DNAH5: variants seen among roughly 807,000 people sequenced by gnomAD.
The protein encoded by DNAH5 is dynein axonemal heavy chain 5, also known as axonemal beta dynein heavy chain 5.
A neutral mutation model predicts 518.2 loss-of-function variants in DNAH5; 372 were observed. The observed-to-expected ratio is 0.72, with a 90% CI of 0.66 to 0.78. The LOEUF is 0.78. Among genes scored for constraint, DNAH5 ranks in the 30% least tolerant of loss-of-function variants. The pLI, the probability that DNAH5 is intolerant of heterozygous loss-of-function variation, is 0.00. For missense variants in DNAH5, 5,523 were observed against 5,687.0 expected, an observed-to-expected ratio of 0.97 and a Z score of 0.93; for synonymous variants, 2,039 against 2,025.9, an observed-to-expected ratio of 1.01 and a Z score of -0.17.
Position 13,913,960 on chromosome 5 carries a change from T to C in DNAH5, c.1321-2A>G, listed in dbSNP as rs2151981226. On this transcript the variant is annotated splice_acceptor_variant, in intron 10 of 78. Transcript: ENST00000265104. LOFTEE classifies it high-confidence loss of function. The stretch of plus-strand genomic sequence containing the variant: ...CTTGTGAAAGCAGAGCTGGTATTCC[T>C]TAAAATCAAAAGAAAAATATACAAC... 6.2e-7 allele frequency: 1 copy of C among 1,612,394 alleles called. No homozygotes were observed. The highest frequency in any genetic ancestry group is 2.2e-5 in the East Asian group (1 of 44,820).
chr5:13,801,144 T>C (rs1758682891), intron 47 of DNAH5, among the ~76,000 whole-genome samples: 1 of 152,190 alleles, frequency 6.6e-6, no homozygotes, highest in Non-Finnish European at 1.5e-5. Flanking sequence ...TCCCCAATGT[T>C]GGAGGTGAGG....
At chr5:13,721,969 A>G (rs30167) in intron 70 of DNAH5, among the ~76,000 whole-genome samples, 60,739 of 152,038 alleles carry the variant, frequency 0.4, 12,225 homozygotes, top group South Asian at 0.45. Flanking sequence ...TATATTCTCC[A>G]CCTTCTAAAT....
chr5:13,723,268 C>G (rs759105525), intron 70 of DNAH5, among the ~76,000 whole-genome samples: 2 of 152,212 alleles, frequency 1.3e-5, no homozygotes, highest in Non-Finnish European at 2.9e-5. Flanking sequence ...CAAATGTCTA[C>G]TCCATGTACA....
chr5:13,852,911 C>T (rs948205256), intron 30 of DNAH5, among the ~76,000 whole-genome samples: 4 of 152,218 alleles, frequency 2.6e-5, no homozygotes, highest in East Asian at 1.9e-4. Flanking sequence ...TGGGACAGAG[C>T]GCCTGGGGGA....
At chr5:13,726,079 T>C (rs1202968903) in intron 70 of DNAH5, among the ~76,000 whole-genome samples, 1 of 152,178 alleles carries the variant, frequency 6.6e-6, no homozygotes, top group Non-Finnish European at 1.5e-5. Context: ...GAATAAGAAA[T>C]GCATATAGCC....
At chr5:13,758,187 G>A (rs1751275436) in intron 61 of DNAH5, among the ~76,000 whole-genome samples, 2 of 152,098 alleles carry the variant, frequency 1.3e-5, no homozygotes, top group South Asian at 4.1e-4. Context: ...CATTTGACTT[G>A]AATGCTCTAA....
At chr5:14,004,958 G>T (rs142046656) in intron 1 of DNAH5, among the ~76,000 whole-genome samples, 57 of 152,052 alleles carry the variant, frequency 3.7e-4, no homozygotes, top group African/African-American at 1.0e-3. Context: ...ACCATCCCAC[G>T]CATGCTTCCA....
chr5:13,996,517 A>C (rs1484375528), intron 1 of DNAH5, among the ~76,000 whole-genome samples: 1 of 152,238 alleles, frequency 6.6e-6, no homozygotes, highest in African/African-American at 2.4e-5. Flanking sequence ...TGTGCTTCCA[A>C]AATATAATTT....
At chr5:13,984,263 C>T (rs1782878804) in intron 1 of DNAH5, among the ~76,000 whole-genome samples, 1 of 152,106 alleles carries the variant, frequency 6.6e-6, no homozygotes, top group East Asian at 1.9e-4. Flanking sequence ...AAGTTGGACT[C>T]CTAGGTATTT....
intron 59 of DNAH5, among the ~76,000 whole-genome samples, chr5:13,764,043 G>A (rs926313984): frequency 1.3e-5 from 2 of 152,208 alleles, no homozygotes; most frequent in African/African-American, 2.4e-5. Context: ...AGTCACTTGA[G>A]CAATGCTGAA....
intron 1 of DNAH5, among the ~76,000 whole-genome samples, chr5:13,960,464 G>A (rs1019542872): frequency 2.0e-5 from 3 of 152,138 alleles, no homozygotes; most frequent in Non-Finnish European, 4.4e-5. Context: ...GTCTATTTTT[G>A]TAAGCAAAAT....
At chr5:13,993,647 T>C (rs1411942824) in intron 1 of DNAH5, among the ~76,000 whole-genome samples, 5 of 152,224 alleles carry the variant, frequency 3.3e-5, no homozygotes, top group African/African-American at 9.6e-5. Flanking sequence ...GTGAATCTTA[T>C]ATCCCGTCTT....
chr5:13,707,938 G>A lies in DNAH5; in HGVS notation c.13338+185C>T, dbSNP rs993181690. 5.3e-5 allele frequency among the ~76,000 whole-genome samples: 8 copies of A among 152,082 alleles called. No homozygotes were observed. The East Asian group carries it at 7.7e-4, about 15-fold the overall frequency. ...AATGCCCTAGCAGAGAACCTGATTCGTGGGATTTGCTAAAAAAAAACTTCC... is the reference window on the plus strand; with the variant it reads ...AATGCCCTAGCAGAGAACCTGATTCATGGGATTTGCTAAAAAAAAACTTCC... On this transcript the variant is annotated intron_variant, in intron 76 of 78. Coordinates refer to ENST00000265104, the MANE Select transcript of DNAH5 (RefSeq NM_001369.3). This position sits in a 1 kb window ranked among gnomAD's most constrained non-coding sequence, Gnocchi z 4.0.
chr5:13,733,311 T>G (rs1746872771), intron 68 of DNAH5, among the ~76,000 whole-genome samples: 1 of 152,226 alleles, frequency 6.6e-6, no homozygotes, highest in Non-Finnish European at 1.5e-5. Context: ...AGACAAACTG[T>G]GAGATGCTTC....
At chr5:13,917,965 C>T (rs1409972170) in intron 7 of DNAH5, among the ~76,000 whole-genome samples, 1 of 152,218 alleles carries the variant, frequency 6.6e-6, no homozygotes, top group African/African-American at 2.4e-5. Context: ...CTTTCCAGCA[C>T]CAGTGCCAGG....
chr5:13,752,445 C>T (rs569394760), intron 63 of DNAH5, among the ~76,000 whole-genome samples, 156 bp from the exon 64 acceptor site: 98 of 152,298 alleles, frequency 6.4e-4, no homozygotes, highest in African/African-American at 2.3e-3. Context: ...TTGTTGAGAG[C>T]CCACATGATG....
chr5:13,998,614 T>A (rs1784130256), intron 1 of DNAH5, among the ~76,000 whole-genome samples: 1 of 152,242 alleles, frequency 6.6e-6, no homozygotes, highest in African/African-American at 2.4e-5. Context: ...AAGTACTTTA[T>A]CTCACCTTGT....
chr5:13,737,148 G>A, intron 66 of DNAH5, 104 bp downstream of exon 66: 1 of 1,549,830 alleles, frequency 6.5e-7, no homozygotes, highest in Non-Finnish European at 8.9e-7. Context: ...CCTCCACTTT[G>A]CATAATCATT....
At chr5:13,805,324 C>T (rs1382313896) in intron 47 of DNAH5, among the ~76,000 whole-genome samples, 1 of 151,910 alleles carries the variant, frequency 6.6e-6, no homozygotes, top group East Asian at 1.9e-4. Context: ...ATGGTGAAAC[C>T]CCATCTCTAC....
Sources: gnomAD v4.1 joint callset for allele counts (sites outside exome capture counted in the v4.1 genomes callset) on GRCh38, gnomAD v4.1.1 for gene constraint, Gnocchi (gnomAD v3.1) non-coding constraint, MANE v1.5 for transcripts, NCBI Gene and HGNC (gene_info 2026-07-23, HGNC 2026-07-21) for gene names.